KLKB1: variants seen among roughly 807,000 people sequenced by gnomAD.
The protein encoded by KLKB1 is kallikrein B1.
Under a neutral mutation model 73.6 loss-of-function variants are expected in KLKB1, and 58 were observed. The observed-to-expected ratio is 0.79, with a 90% CI of 0.64 to 0.98. The LOEUF is 0.98. Ranked by LOEUF, KLKB1 falls within the 50% of genes least tolerant of loss-of-function variation. The probability of loss-of-function intolerance (pLI) is 0.00; values close to 1 mark genes in which losing one functional copy is unlikely to be tolerated. For missense variants in KLKB1, 737 were observed against 763.8 expected, an observed-to-expected ratio of 0.96 and a Z score of 0.41; for synonymous variants, 280 against 258.1, an observed-to-expected ratio of 1.08 and a Z score of -0.81.
intron 2 of KLKB1, among the ~76,000 whole-genome samples, chr4:186,214,645 T>C (rs1353274410): frequency 6.6e-6 from 1 of 152,236 alleles, no homozygotes; most frequent in East Asian, 1.9e-4. Context: ...TCTAGTTTTT[T>C]GGTTCTGCCA....
chr4:186,219,436 C>T (rs764204016), intron 2 of KLKB1, among the ~76,000 whole-genome samples: 5 of 152,122 alleles, frequency 3.3e-5, no homozygotes, highest in Non-Finnish European at 7.3e-5. Context: ...CAATCCCCAA[C>T]CCAAATGCTG....
At chr4:186,215,423 TTC>T (rs894772939) in intron 2 of KLKB1, among the ~76,000 whole-genome samples, 1 of 102,240 alleles carries the variant, frequency 9.8e-6, no homozygotes, top group African/African-American at 3.2e-5. Context: ...CTCTCTTGCT[TTC>T]TCTCTCTCTC....
chr4:186,222,191 A>G (rs568796947), upstream of KLKB1, among the ~76,000 whole-genome samples: 1 of 152,314 alleles, frequency 6.6e-6, no homozygotes, highest in South Asian at 2.1e-4. Context: ...GCATATAGTT[A>G]GATCTTGTTT....
rs747716379 is a variant in KLKB1 at position 186,251,799 on chromosome 4, C to T, written c.1082C>T (p.Ala361Val). The T allele has an allele frequency of 1.5e-5, 25 of 1,613,842 alleles. No individual in the cohort carries two copies. Among genetic ancestry groups the T allele is most frequent in the Admixed American group, 3.3e-5 (2 of 60,004 alleles). The change falls in exon 10 of 15, where the codon GCG becomes GTG. Residue 361 changes from alanine (A) to valine (V), a missense_variant. Coordinates refer to ENST00000264690, the MANE Select transcript of KLKB1 (RefSeq NM_000892.5). Reference protein sequence around the residue: ...LSMDGSPTRIAYGTQGSSGYS... With the variant: ...LSMDGSPTRIVYGTQGSSGYS... ...ATGGATGGTTCTCCAACTAGGATTG[C>T]GTATGGGACACAAGGGAGCTCTGGT...
intron 6 of KLKB1, among the ~76,000 whole-genome samples, chr4:186,240,974 C>T (rs1738012480): frequency 6.6e-6 from 1 of 152,074 alleles, no homozygotes; most frequent in African/African-American, 2.4e-5. Context: ...GGGAGAGCAC[C>T]CTGGATGGCT....
chr4:186,220,152 A>T (rs184688204), intron 2 of KLKB1, among the ~76,000 whole-genome samples: 10 of 152,162 alleles, frequency 6.6e-5, no homozygotes, highest in East Asian at 1.9e-4. Flanking sequence ...GCTAGTGGAT[A>T]GCTAGGGGTG....
intron 11 of KLKB1, among the ~76,000 whole-genome samples, chr4:186,253,619 C>A (rs1738826631): frequency 2.2e-5 from 3 of 138,614 alleles, no homozygotes; most frequent in Non-Finnish European, 4.7e-5. Flanking sequence ...AAAAAAAGGC[C>A]CCTTTGCACC....
chr4:186,235,332 A>G (rs1289395641), intron 4 of KLKB1, among the ~76,000 whole-genome samples: 3 of 97,130 alleles, frequency 3.1e-5, no homozygotes, highest in African/African-American at 1.4e-4. Context: ...TTACTCACTT[A>G]GCTTGCTTTT....
chr4:186,235,931 C>T lies in KLKB1; in HGVS notation c.329-850C>T, dbSNP rs187825825. On this transcript the variant is annotated intron_variant, in intron 4 of 14. Transcript: ENST00000264690. Reference sequence around the variant, plus strand: ...GAGATCGAGACCATCCTGGCTGACACGGTGAAACCCCGTCTCTACTAAAAA... The same window carrying T: ...GAGATCGAGACCATCCTGGCTGACATGGTGAAACCCCGTCTCTACTAAAAA... Among the ~76,000 whole-genome samples, 280 of 151,576 alleles carry T rather than the reference C, an allele frequency of 1.8e-3. 1 individual carries two copies. Among genetic ancestry groups the T allele is most frequent in the African/African-American group, 6.6e-3 (272 of 41,350 alleles).
Position 186,232,246 on chromosome 4 carries a change from T to C in KLKB1, c.178T>C (p.Phe60Leu). 6.2e-7 allele frequency: 1 copy of C among 1,614,182 alleles called. No homozygotes were observed. The highest frequency in any genetic ancestry group is 1.7e-5 in the Admixed American group (1 of 60,028). ...CACATTCCACCCAAGGTGTTTGCTA[T>C]TCAGTTTTCTTCCAGCAAGTTCAAT... ...RCTFHPRCLL[F>L]SFLPASSIND... Residue 60 changes from phenylalanine (F) to leucine (L), a missense_variant, in exon 3 of 15, where the codon TTC becomes CTC. Phe to Leu is a conservative substitution (Grantham distance 22). Coordinates refer to ENST00000264690, the MANE Select transcript of KLKB1 (RefSeq NM_000892.5).
chr4:186,233,750 T>A (rs1737522106), intron 3 of KLKB1, among the ~76,000 whole-genome samples: 1 of 152,178 alleles, frequency 6.6e-6, no homozygotes, highest in Non-Finnish European at 1.5e-5. Flanking sequence ...AAAATGTGAG[T>A]GTAAAGAAAA....
intron 4 of KLKB1, among the ~76,000 whole-genome samples, chr4:186,234,370 A>G (rs1397473852): frequency 6.6e-6 from 1 of 152,238 alleles, no homozygotes; most frequent in African/African-American, 2.4e-5. Context: ...ACACAAGGGA[A>G]CATCTCTCTC....
Position 186,246,794 on chromosome 4 carries a change from G to A in KLKB1, c.599-3449G>A, listed in dbSNP as rs116256478. ...GGGTGAAGGATCAAGGCAGGCATTC[G>A]CGCGGTGATCAGATACCTCTGAAAC... On this transcript the variant is annotated intron_variant, in intron 6 of 14. Coordinates refer to ENST00000264690, the MANE Select transcript of KLKB1 (RefSeq NM_000892.5). Among the ~76,000 whole-genome samples the A allele has an allele frequency of 3.5e-3, 526 of 152,230 alleles. 4 individuals carry two copies. The highest frequency in any genetic ancestry group is 0.012 in the African/African-American group (492 of 41,548).
chr4:186,218,596 G>A lies in KLKB1; in HGVS notation c.201+9324G>A, dbSNP rs529572437. Among the ~76,000 whole-genome samples, 28 of 151,984 alleles carry A rather than the reference G, an allele frequency of 1.8e-4. 1 individual carries two copies. In the South Asian group the frequency reaches 5.8e-3, roughly 32 times the overall value. ...TGTACATTGTGAAATGATTACCATA[G>A]TCAAGCTAATTAACATGTCCATTAT... On this transcript the variant is annotated intron_variant, in intron 2 of 14. Transcript: ENST00000511608.
At chr4:186,245,693 G>A (rs4253287) in intron 6 of KLKB1, among the ~76,000 whole-genome samples, 74,196 of 151,460 alleles carry the variant, frequency 0.49, 19,368 homozygotes, top group Non-Finnish European at 0.58. Context: ...GCAAGGAATC[G>A]CAACTCAGAA....
intron 2 of KLKB1, among the ~76,000 whole-genome samples, chr4:186,217,004 T>C (rs1397933831): frequency 6.6e-6 from 1 of 152,224 alleles, no homozygotes; most frequent in Non-Finnish European, 1.5e-5. Flanking sequence ...TCTCGTTTTA[T>C]TCACTGTCCC....
intron 6 of KLKB1, among the ~76,000 whole-genome samples, chr4:186,241,560 C>T (rs1256593742): frequency 6.6e-6 from 1 of 152,164 alleles, no homozygotes; most frequent in East Asian, 1.9e-4. Context: ...AACCACGTTT[C>T]CTCAGTTAAT....
intron 6 of KLKB1, among the ~76,000 whole-genome samples, chr4:186,242,389 G>A (rs1343495508): frequency 1.3e-5 from 2 of 152,120 alleles, no homozygotes; most frequent in Admixed American, 1.3e-4. Flanking sequence ...GGTGGCGAAA[G>A]TTTTTGGGGG....
At position 186,256,203 on chromosome 4, in the gene KLKB1, C is replaced by T. The variant is rs906723541; in HGVS notation, c.1585+116C>T. 6.9e-6 allele frequency: 5 copies of T among 727,812 alleles called. No individual in the cohort carries two copies. The African/African-American group carries it at 7.0e-5, about 10-fold the overall frequency. 45.1% of individuals were successfully genotyped at this position (727,812 alleles called of 1,614,324 possible). On this transcript the variant is annotated intron_variant, in intron 13 of 14. Transcript: ENST00000264690. ...ATTATATCTAAACTCTTTATCTTTC[C>T]TATCTATTTATTCCCAAATATTTAT... is the stretch of plus-strand genomic sequence containing the variant.
Sources: gnomAD v4.1 joint callset for allele counts (sites outside exome capture counted in the v4.1 genomes callset) on GRCh38, gnomAD v4.1.1 for gene constraint, MANE v1.5 for transcripts, NCBI Gene and HGNC (gene_info 2026-07-23, HGNC 2026-07-21) for gene names.